The following FAM184A variants were observed in gnomAD, a reference collection of about 807,000 sequenced individuals.
FAM184A encodes the protein family with sequence similarity 184 member A.
Under a neutral mutation model 143.8 loss-of-function variants are expected in FAM184A, and 99 were observed. The ratio of observed to expected loss-of-function variants is 0.69; its 90% confidence interval spans 0.58 to 0.81. The LOEUF (loss-of-function observed/expected upper bound fraction) is 0.81. Among genes scored for constraint, FAM184A ranks in the 40% least tolerant of loss-of-function variants. FAM184A has a pLI of 0.00. For synonymous variants in FAM184A, 427 were observed against 446.4 expected (o/e 0.96, Z 0.55); for missense variants, 1,217 against 1,310.5 (o/e 0.93, Z 1.10).
At chr6:119,012,702 A>C (rs1349170677) in intron 5 of FAM184A, among the ~76,000 whole-genome samples, 1 of 152,180 alleles carries the variant, frequency 6.6e-6, no homozygotes. Flanking sequence ...GTTCAGCATA[A>C]ACCACATTGG....
intron 1 of FAM184A, among the ~76,000 whole-genome samples, chr6:119,134,326 G>A (rs890841860): frequency 2.0e-5 from 3 of 151,950 alleles, no homozygotes; most frequent in Admixed American, 6.6e-5. Context: ...TAAACTGTGC[G>A]GTACCAGTTT....
At chr6:119,097,464 TG>T (rs1483121436) in intron 1 of FAM184A, among the ~76,000 whole-genome samples, 1 of 152,172 alleles carries the variant, frequency 6.6e-6, no homozygotes, top group East Asian at 1.9e-4. Flanking sequence ...CACCCAAAAG[TG>T]GATTCTGAGA....
At chr6:119,061,109 G>C (rs1437681975) in intron 1 of FAM184A, among the ~76,000 whole-genome samples, 2 of 152,206 alleles carry the variant, frequency 1.3e-5, no homozygotes, top group Non-Finnish European at 2.9e-5. Flanking sequence ...AAGCCAGGAT[G>C]TTAGTGAACC....
chr6:118,992,727 GA>G (rs1784416962), intron 9 of FAM184A, among the ~76,000 whole-genome samples: 2 of 152,062 alleles, frequency 1.3e-5, no homozygotes, highest in Admixed American at 1.3e-4. Flanking sequence ...ACAAGTTCAA[GA>G]CCAGCCTGGG....
upstream of FAM184A, among the ~76,000 whole-genome samples, chr6:119,082,768 C>A (rs537367920): frequency 1.3e-5 from 2 of 152,226 alleles, no homozygotes; most frequent in African/African-American, 4.8e-5. Context: ...CAGTGTTGAG[C>A]GCCTGTGGCT....
chr6:119,141,937 G>A (rs1772252766), intron 1 of FAM184A, among the ~76,000 whole-genome samples: 1 of 152,166 alleles, frequency 6.6e-6, no homozygotes, highest in Non-Finnish European at 1.5e-5. Context: ...TCTCCTTAAA[G>A]GAATCACACA....
chr6:119,045,411 T>C (rs1216755685), intron 1 of FAM184A, among the ~76,000 whole-genome samples: 5 of 152,032 alleles, frequency 3.3e-5, no homozygotes, highest in Admixed American at 2.6e-4. Flanking sequence ...ACCTACCCGA[T>C]GTGCAGATGA....
At chr6:119,129,151 C>A (rs576310109) in intron 1 of FAM184A, among the ~76,000 whole-genome samples, 6 of 152,188 alleles carry the variant, frequency 3.9e-5, no homozygotes, top group Admixed American at 1.3e-4. Context: ...CCAGGTCGAA[C>A]CAATGTGTAC....
At chr6:118,976,172 G>T in intron 11 of FAM184A, 128 bp from the exon 12 acceptor site, 1 of 817,302 alleles carries the variant, frequency 1.2e-6, no homozygotes, top group Non-Finnish European at 1.9e-6. Context: ...TAAATTAATA[G>T]ATTATAAACT....
At chr6:119,050,666 C>T (rs1368416277) in intron 1 of FAM184A, among the ~76,000 whole-genome samples, 5 of 151,986 alleles carry the variant, frequency 3.3e-5, no homozygotes, top group Admixed American at 2.0e-4. Context: ...ATTAGCCGGG[C>T]GCGGTGGCGG....
intron 9 of FAM184A, among the ~76,000 whole-genome samples, chr6:118,999,727 G>A (rs774400198): frequency 3.9e-5 from 6 of 152,056 alleles, no homozygotes; most frequent in African/African-American, 4.8e-5. Flanking sequence ...GCAATGACCC[G>A]ATTTGTAGCA....
intron 1 of FAM184A, among the ~76,000 whole-genome samples, chr6:119,070,027 T>C (rs1346239888): frequency 6.6e-6 from 1 of 152,048 alleles, no homozygotes; most frequent in Non-Finnish European, 1.5e-5. Context: ...AAGTACTATC[T>C]CCTTTACAAT....
Position 118,966,081 on chromosome 6 carries a change from G to C in FAM184A, c.3033+754C>G, listed in dbSNP as rs138197298. Among the ~76,000 whole-genome samples, 498 of 152,256 alleles carry C rather than the reference G, an allele frequency of 3.3e-3. 3 individuals carry two copies. The highest frequency in any genetic ancestry group is 6.0e-3 in the Non-Finnish European group (409 of 68,034). The stretch of plus-strand genomic sequence containing the variant: ...CTGTTGCTTTCAGCAGGAACTTCTA[G>C]TCTCAGACAACAGGCTGCCTCTCCT... On this transcript the variant is annotated intron_variant, in intron 15 of 17. Coordinates refer to ENST00000338891, the MANE Select transcript of FAM184A (RefSeq NM_024581.6).
intron 14 of FAM184A, 93 bp downstream of exon 14, chr6:118,974,335 T>C (rs560168261): frequency 8.1e-7 from 1 of 1,232,698 alleles, no homozygotes; most frequent in African/African-American, 1.5e-5. Flanking sequence ...GTATCCTTTT[T>C]ATTAGAGTCA....
chr6:118,964,102 A>G (rs770990134), intron 16 of FAM184A, among the ~76,000 whole-genome samples: 4 of 152,154 alleles, frequency 2.6e-5, no homozygotes, highest in Admixed American at 6.5e-5. Flanking sequence ...AAGCAGGAGG[A>G]TCGCTTGAGC....
chr6:118,961,671 G>C, intron 17 of FAM184A, 90 bp downstream of exon 17: 1 of 1,037,498 alleles, frequency 9.6e-7, no homozygotes, highest in Admixed American at 2.2e-5. Flanking sequence ...TTCTTAGGTT[G>C]TTCTTAAAGT....
chr6:118,974,926 G>A, intron 13 of FAM184A, 98 bp downstream of exon 13: 1 of 906,808 alleles, frequency 1.1e-6, no homozygotes, highest in Middle Eastern at 2.9e-4. Context: ...TTACTAGAGA[G>A]CCAGTCTAGT....
intron 1 of FAM184A, among the ~76,000 whole-genome samples, chr6:119,145,139 GA>G (rs1772384697): frequency 6.6e-6 from 1 of 152,164 alleles, no homozygotes; most frequent in Non-Finnish European, 1.5e-5. Flanking sequence ...GGCAGGAGGA[GA>G]ATCCATCCAT....
chr6:119,122,648 G>A (rs1035795392), intron 1 of FAM184A, among the ~76,000 whole-genome samples: 1 of 152,020 alleles, frequency 6.6e-6, no homozygotes, highest in East Asian at 1.9e-4. Flanking sequence ...TGGGAGGGGC[G>A]CGGTGGCTCC....
Sources: gnomAD v4.1 joint callset for allele counts (sites outside exome capture counted in the v4.1 genomes callset) on GRCh38, gnomAD v4.1.1 for gene constraint, MANE v1.5 for transcripts, NCBI Gene and HGNC (gene_info 2026-07-23, HGNC 2026-07-21) for gene names.